The following MOSMO variants were observed in gnomAD, a reference collection of about 807,000 sequenced individuals.
The protein encoded by MOSMO is modulator of smoothened protein.
In MOSMO, 5 loss-of-function variants were observed where a neutral mutation model predicts 18.4. The ratio of observed to expected loss-of-function variants is 0.27; its 90% CI spans 0.14 to 0.57. The LOEUF is 0.57. MOSMO is among the 20% of genes least tolerant of loss of function. The pLI is 0.92. For synonymous variants in MOSMO, 82 were observed against 82.3 expected (o/e 1.00, Z 0.02); for missense variants, 138 against 211.8 (o/e 0.65, Z 2.16).
intron 1 of MOSMO, among the ~76,000 whole-genome samples, chr16:22,073,535 ACTCC>A (rs1900901826): frequency 6.8e-6 from 1 of 146,432 alleles, no homozygotes; most frequent in Non-Finnish European, 1.5e-5. Flanking sequence ...ATCATAAGAC[ACTCC>A]CTCAAGTTTT....
At chr16:22,073,545 GT>G (rs746442808) in intron 1 of MOSMO, among the ~76,000 whole-genome samples, 63 of 142,988 alleles carry the variant, frequency 4.4e-4, no homozygotes, top group Non-Finnish European at 4.9e-4. Flanking sequence ...ACTCCCTCAA[GT>G]TTTTTTTTTT....
intron 1 of MOSMO, chr16:22,064,516 A>G (rs900182710): frequency 3.0e-5 from 13 of 432,488 alleles, no homozygotes; most frequent in Non-Finnish European, 6.2e-5. Flanking sequence ...AAATGCAGAC[A>G]TTGTAATTTA....
intron 1 of MOSMO, among the ~76,000 whole-genome samples, chr16:22,065,941 G>A (rs1900739349): frequency 6.6e-6 from 1 of 152,152 alleles, no homozygotes; most frequent in East Asian, 1.9e-4. Context: ...TCAGAACTCT[G>A]GAAATTAAAG....
At position 22,008,529 on chromosome 16, in the gene MOSMO, C is replaced by T. The variant is rs578191979; in HGVS notation, c.106+122C>T. 41 of 614,258 alleles carry T rather than the reference C, an allele frequency of 6.7e-5. No homozygotes were observed. The African/African-American group carries it at 7.0e-4, about 11-fold the overall frequency. The allele number at this position is 614,258 out of a possible 1,614,324, so 38.1% of individuals were successfully genotyped here. ...CGGCCGGAGGCTAGCCTGAGGAGAC[C>T]GGGGGCGGAGGGGAGACCCGGGCCG... On this transcript the variant is annotated intron_variant, in intron 1 of 2. Transcript: ENST00000542527.
chr16:22,034,194 C>T (rs1367047978), intron 1 of MOSMO, among the ~76,000 whole-genome samples: 2 of 152,192 alleles, frequency 1.3e-5, no homozygotes, highest in African/African-American at 4.8e-5. Context: ...TATCCATAAG[C>T]TGTAATCACT....
At chr16:22,058,469 G>A (rs1257714773) in intron 1 of MOSMO, among the ~76,000 whole-genome samples, 2 of 151,844 alleles carry the variant, frequency 1.3e-5, no homozygotes, top group Non-Finnish European at 2.9e-5. Context: ...TTTGCAGTAT[G>A]AAGAAGAAAG....
chr16:22,010,444 G>T (rs1000026454), intron 1 of MOSMO, among the ~76,000 whole-genome samples: 1 of 152,088 alleles, frequency 6.6e-6, no homozygotes, highest in African/African-American at 2.4e-5. Flanking sequence ...CAGGCTTCAC[G>T]TACTTAGGGG....
chr16:22,058,160 G>T (rs958358268), intron 1 of MOSMO, among the ~76,000 whole-genome samples: 1 of 152,140 alleles, frequency 6.6e-6, no homozygotes, highest in African/African-American at 2.4e-5. Context: ...GGGTGTGGTG[G>T]CTCACACCCA....
Position 22,016,871 on chromosome 16 carries a change from G to C in MOSMO, c.106+8464G>C, listed in dbSNP as rs1899649065. ...TGTGGGTTAAAGAATATTAACCACA[G>C]TGTATTGTTAAGATCATTTAGTTCA... On this transcript the variant is annotated intron_variant, in intron 1 of 2. Coordinates refer to ENST00000542527, the MANE Select transcript of MOSMO (RefSeq NM_001164579.2). 2.0e-5 allele frequency among the ~76,000 whole-genome samples: 3 copies of C among 152,296 alleles called. No individual in the cohort carries two copies. In the South Asian group the frequency reaches 6.2e-4, roughly 32 times the overall value.
chr16:22,087,012 T>C (rs181735547), downstream of MOSMO: 92 of 152,348 alleles, frequency 6.0e-4, no homozygotes, highest in African/African-American at 2.0e-3. Context: ...ACTTTATTAA[T>C]AAGTATTTGG....
intron 1 of MOSMO, among the ~76,000 whole-genome samples, chr16:22,039,091 C>T (rs1030876637): frequency 6.6e-6 from 1 of 152,138 alleles, no homozygotes; most frequent in Non-Finnish European, 1.5e-5. Context: ...TCTATTCAGG[C>T]AGATTATTCA....
chr16:22,022,171 C>T, intron 1 of MOSMO, among the ~76,000 whole-genome samples: 1 of 151,494 alleles, frequency 6.6e-6, no homozygotes, highest in South Asian at 2.1e-4. Context: ...TTATCCTTGG[C>T]TGCCCGTATC....
At chr16:22,062,391 T>C (rs942971539) in intron 1 of MOSMO, among the ~76,000 whole-genome samples, 1 of 152,172 alleles carries the variant, frequency 6.6e-6, no homozygotes, top group African/African-American at 2.4e-5. Context: ...AACATGTTCA[T>C]AGCTCACTGC....
At position 22,081,379 on chromosome 16, in the gene MOSMO, G is replaced by A. The variant is rs1408351719; in HGVS notation, c.*499G>A. 1 of 151,694 alleles carries A rather than the reference G, an allele frequency of 6.6e-6. No homozygotes were observed. Among genetic ancestry groups the A allele is most frequent in the Non-Finnish European group, 1.5e-5 (1 of 67,988 alleles). The allele number at this position is 151,694 out of a possible 1,614,324, so 9.4% of individuals were successfully genotyped here. On this transcript the variant is annotated 3_prime_UTR_variant, in exon 3 of 3. Coordinates refer to ENST00000542527, the MANE Select transcript of MOSMO (RefSeq NM_001164579.2). ...GTTCACAACTTCCTTGTAATAGTAT[G>A]AGCCTTTGGCACCAGAATGGATTGC...
At chr16:22,089,384 T>C, downstream of MOSMO, among the ~76,000 whole-genome samples, 1 of 152,158 alleles carries the variant, frequency 6.6e-6, no homozygotes, top group East Asian at 1.9e-4. Context: ...TATTTTATAG[T>C]GCCGACTTCC....
chr16:22,075,689 A>T lies in MOSMO; in HGVS notation c.309A>T (p.Ala103=), dbSNP rs1291124790. 2.6e-6 allele frequency: 4 copies of T among 1,537,024 alleles called. No individual in the cohort carries two copies. The highest frequency in any genetic ancestry group is 2.4e-5 in the South Asian group (2 of 84,008). The change falls in exon 2 of 3, where the codon GCA becomes GCT. Residue 103 remains alanine, a synonymous_variant. Coordinates refer to ENST00000542527, the MANE Select transcript of MOSMO (RefSeq NM_001164579.2). ...REATKYARWI[A]FTGMILFCMA... ...CTACAAAATATGCTCGATGGATAGC[A>T]TTCACTGGAAGTAAGTAACCTGTGC...
At chr16:22,018,051 A>G (rs1402627725) in intron 1 of MOSMO, among the ~76,000 whole-genome samples, 1 of 151,824 alleles carries the variant, frequency 6.6e-6, no homozygotes, top group Non-Finnish European at 1.5e-5. Flanking sequence ...TTTTTTTTTA[A>G]TTAGCAAAAG....
intron 1 of MOSMO, among the ~76,000 whole-genome samples, chr16:22,064,181 G>GC (rs1900705161): frequency 6.6e-6 from 1 of 152,166 alleles, no homozygotes; most frequent in Non-Finnish European, 1.5e-5. Context: ...TTGCTTGCTT[G>GC]TTTCTTGATC....
At chr16:22,030,597 C>T (rs927305478) in intron 1 of MOSMO, among the ~76,000 whole-genome samples, 2 of 152,144 alleles carry the variant, frequency 1.3e-5, no homozygotes, top group African/African-American at 2.4e-5. Context: ...ATTGAAGTGG[C>T]GCAATCTCGG....
Sources: allele counts gnomAD v4.1 joint callset (sites outside exome capture counted in the v4.1 genomes callset), GRCh38; gene constraint gnomAD v4.1.1; transcripts MANE v1.5; gene names NCBI Gene and HGNC (gene_info 2026-07-23, HGNC 2026-07-21).